Variants in ZNF565 observed in about 807,000 individuals in gnomAD.
ZNF565 encodes zinc finger protein 565.
In ZNF565, 27 loss-of-function variants were observed where a neutral mutation model predicts 39.4. The ratio of observed to expected loss-of-function variants is 0.69; its 90% CI spans 0.51 to 0.95. The LOEUF (loss-of-function observed/expected upper bound fraction) is 0.95, where lower values mean the gene tolerates loss of function less well. Ranked by LOEUF, ZNF565 falls within the 40% of genes least tolerant of loss-of-function variation. The pLI is 0.00. For missense variants in ZNF565, 524 were observed against 621.1 expected, an observed-to-expected ratio of 0.84 and a Z score of 1.66; for synonymous variants, 185 against 216.6, an observed-to-expected ratio of 0.85 and a Z score of 1.28.
At chr19:36,209,225 T>C (rs906551385) in intron 1 of ZNF565, among the ~76,000 whole-genome samples, 2 of 152,116 alleles carry the variant, frequency 1.3e-5, no homozygotes, top group African/African-American at 4.8e-5. Flanking sequence ...AAGTGGGAAC[T>C]GGGTAGAAAG....
At chr19:36,222,309 A>G (rs1386702870) in intron 1 of ZNF565, among the ~76,000 whole-genome samples, 2 of 152,144 alleles carry the variant, frequency 1.3e-5, no homozygotes, top group East Asian at 1.9e-4. Flanking sequence ...TGGATGCACC[A>G]TGGTTGATTC....
chr19:36,242,510 C>T (rs183095133), intron 1 of ZNF565, among the ~76,000 whole-genome samples: 5 of 151,926 alleles, frequency 3.3e-5, no homozygotes, highest in Admixed American at 2.6e-4. Context: ...GGGTGGATCA[C>T]GAGATCAAGA....
At chr19:36,232,434 A>G (rs1977422441) in intron 1 of ZNF565, among the ~76,000 whole-genome samples, 1 of 152,022 alleles carries the variant, frequency 6.6e-6, no homozygotes, top group South Asian at 2.1e-4. Context: ...TTCTCAGCAA[A>G]TGATACCTTA....
intron 4 of ZNF565, among the ~76,000 whole-genome samples, chr19:36,187,926 C>T (rs1222275439): frequency 1.3e-5 from 2 of 151,454 alleles, no homozygotes; most frequent in African/African-American, 4.8e-5. Flanking sequence ...GCGTGAGCCA[C>T]CGCGCCTGGC....
intron 1 of ZNF565, chr19:36,213,198 CAT>C (rs1438599486): frequency 6.6e-6 from 1 of 152,318 alleles, no homozygotes; most frequent in Admixed American, 6.5e-5. Flanking sequence ...GTCACACAAA[CAT>C]AACCACACAT....
intron 4 of ZNF565, among the ~76,000 whole-genome samples, chr19:36,190,207 G>A (rs752318083): frequency 6.6e-6 from 1 of 152,034 alleles, no homozygotes; most frequent in Non-Finnish European, 1.5e-5. Flanking sequence ...GTGGGATAAC[G>A]GCACTCAAAG....
rs748121003 is a variant in ZNF565 at position 36,220,657 on chromosome 19, C to T, written c.56-18607G>A. ...CTGGGATTACAGGCGTGAGCCACGG[C>T]GCCCGGCCTCCTAGTTGTATTTTAT... On this transcript the variant is annotated intron_variant, in intron 1 of 4. Transcript: ENST00000355114. Among the ~76,000 whole-genome samples the T allele has an allele frequency of 1.1e-3, 166 of 151,914 alleles. 2 individuals carry two copies. The highest frequency in any genetic ancestry group is 3.8e-3 in the African/African-American group (156 of 41,440).
intron 1 of ZNF565, among the ~76,000 whole-genome samples, chr19:36,233,609 A>AAGGT (rs748642998): frequency 7.2e-5 from 11 of 152,108 alleles, no homozygotes; most frequent in Non-Finnish European, 1.3e-4. Context: ...TAGTGGAGAG[A>AAGGT]AGGTCAGCAG....
intron 2 of ZNF565, 140 bp downstream of exon 2, chr19:36,201,837 G>A: frequency 1.1e-6 from 1 of 930,674 alleles, no homozygotes; most frequent in Non-Finnish European, 1.7e-6. Flanking sequence ...GCCACCGAGG[G>A]ACTTGGGCAC....
intron 1 of ZNF565, among the ~76,000 whole-genome samples, chr19:36,210,441 A>G (rs1022900623): frequency 6.6e-6 from 1 of 151,150 alleles, no homozygotes; most frequent in African/African-American, 2.4e-5. Context: ...AAAAAAAAAA[A>G]AAATCTGGAA....
intron 1 of ZNF565, among the ~76,000 whole-genome samples, chr19:36,233,725 T>TG (rs1261746305): frequency 6.6e-6 from 1 of 152,250 alleles, no homozygotes; most frequent in Non-Finnish European, 1.5e-5. Flanking sequence ...AGAGCAGTGT[T>TG]GCTGCCAGCA....
At position 36,245,407 on chromosome 19, in the gene ZNF565, C is replaced by CGCTT. The variant is rs1295851209; in HGVS notation, c.55+65_55+68dup. The CGCTT allele has an allele frequency of 1.4e-6, 1 of 700,450 alleles. No individual in the cohort carries two copies. The highest frequency in any genetic ancestry group is 2.6e-6 in the Non-Finnish European group (1 of 383,884). 43.4% of individuals were successfully genotyped at this position (700,450 alleles called of 1,614,324 possible). On this transcript the variant is annotated intron_variant, in intron 1 of 4. Transcript: ENST00000355114. This position sits in a 1 kb window ranked among gnomAD's most constrained non-coding sequence, Gnocchi z 4.4. ...AGTCACTGCGACCCGGAAAGCTCCG[C>CGCTT]GCTTACGACGCCCACCCAGAAAATC...
upstream of ZNF565, among the ~76,000 whole-genome samples, chr19:36,215,546 C>G (rs1395855829): frequency 6.6e-6 from 1 of 151,930 alleles, no homozygotes; most frequent in Non-Finnish European, 1.5e-5. Context: ...CCTGGAGCGT[C>G]TTTTTTACTT....
downstream of ZNF565, chr19:36,182,241 A>AT (rs68088876): frequency 0.45 from 170,166 of 380,880 alleles, 34,078 homozygotes; most frequent in East Asian, 0.57. Flanking sequence ...TTCTATATTC[A>AT]TTTTTTTTTA....
chr19:36,193,655 A>T (rs564178114), intron 4 of ZNF565, among the ~76,000 whole-genome samples: 1 of 151,662 alleles, frequency 6.6e-6, no homozygotes, highest in Non-Finnish European at 1.5e-5. Context: ...GTTAGCCAGG[A>T]TGGTCTCGAT....
At chr19:36,217,604 A>G (rs934076190), upstream of ZNF565, among the ~76,000 whole-genome samples, 2 of 152,100 alleles carry the variant, frequency 1.3e-5, no homozygotes, top group African/African-American at 2.4e-5. Context: ...GAATAAGAAA[A>G]GGGGTAATAA....
At chr19:36,189,513 G>A (rs1363770967) in intron 4 of ZNF565, among the ~76,000 whole-genome samples, 2 of 151,384 alleles carry the variant, frequency 1.3e-5, no homozygotes, top group Non-Finnish European at 2.9e-5. Context: ...ATAGAGATGG[G>A]GTTTCACCAT....
At chr19:36,244,211 C>A (rs560891011) in intron 1 of ZNF565, among the ~76,000 whole-genome samples, 19 of 152,272 alleles carry the variant, frequency 1.2e-4, no homozygotes, top group African/African-American at 4.3e-4. Context: ...CAAAGTGGAG[C>A]TAGGTCTGGT....
intron 1 of ZNF565, among the ~76,000 whole-genome samples, chr19:36,240,354 G>C (rs926387868): frequency 6.6e-6 from 1 of 152,162 alleles, no homozygotes; most frequent in Non-Finnish European, 1.5e-5. Flanking sequence ...CCAGGAGTTT[G>C]AGGCTGCAGT....
Sources: allele counts gnomAD v4.1 joint callset (sites outside exome capture counted in the v4.1 genomes callset), GRCh38; gene constraint gnomAD v4.1.1; non-coding constraint Gnocchi (gnomAD v3.1); transcripts MANE v1.5; gene names NCBI Gene and HGNC (gene_info 2026-07-23, HGNC 2026-07-21).